Variants in MACROD2 observed in about 807,000 individuals in gnomAD.
MACROD2 encodes ADP-ribose glycohydrolase MACROD2.
A neutral mutation model predicts 70.4 loss-of-function variants in MACROD2; 36 were observed. The ratio of observed to expected loss-of-function variants is 0.51; its 90% CI spans 0.39 to 0.68. The LOEUF (loss-of-function observed/expected upper bound fraction) is 0.68, where lower values mean the gene tolerates loss of function less well. Ranked by LOEUF, MACROD2 falls within the 30% of genes least tolerant of loss-of-function variation. The pLI, the probability that MACROD2 is intolerant of heterozygous loss-of-function variation, is 0.00. For synonymous variants in MACROD2, 172 were observed against 178.8 expected (o/e 0.96, Z 0.30); for missense variants, 496 against 538.4 (o/e 0.92, Z 0.78).
intron 3 of MACROD2, among the ~76,000 whole-genome samples, chr20:14,203,562 T>A (rs1291157467): frequency 1.3e-5 from 2 of 152,222 alleles, no homozygotes; most frequent in Non-Finnish European, 2.9e-5. Context: ...TTTTCTATAA[T>A]CATATCCATA....
At chr20:14,481,133 A>G (rs542140230) in intron 3 of MACROD2, among the ~76,000 whole-genome samples, 1 of 152,178 alleles carries the variant, frequency 6.6e-6, no homozygotes, top group African/African-American at 2.4e-5. Context: ...TGCAATAAGC[A>G]TATAAAATCT....
intron 3 of MACROD2, among the ~76,000 whole-genome samples, chr20:14,115,452 A>G (rs988159891): frequency 1.3e-5 from 2 of 152,210 alleles, no homozygotes; most frequent in African/African-American, 4.8e-5. Flanking sequence ...TGTGAGGATC[A>G]TGTATAAAAA....
chr20:14,556,806 A>G (rs1392503388), intron 4 of MACROD2, among the ~76,000 whole-genome samples: 14 of 152,082 alleles, frequency 9.2e-5, no homozygotes, highest in Admixed American at 9.2e-4. Flanking sequence ...AGAGGAAACA[A>G]AGAGAAAACA....
chr20:15,603,129 C>G (rs1442955931), intron 8 of MACROD2, among the ~76,000 whole-genome samples: 1 of 152,006 alleles, frequency 6.6e-6, no homozygotes, highest in Non-Finnish European at 1.5e-5. Flanking sequence ...TTAATATTAT[C>G]TGTGGAGCTT....
intron 7 of MACROD2, among the ~76,000 whole-genome samples, chr20:15,495,816 T>C (rs1049146724): frequency 6.6e-6 from 1 of 152,206 alleles, no homozygotes; most frequent in African/African-American, 2.4e-5. Context: ...CATGGTATTA[T>C]GAAAACACAA....
intron 6 of MACROD2, among the ~76,000 whole-genome samples, chr20:15,401,400 T>A (rs1480077843): frequency 6.6e-6 from 1 of 152,170 alleles, no homozygotes; most frequent in East Asian, 1.9e-4. Flanking sequence ...TCACGGGGGC[T>A]TTCATAGAAA....
intron 5 of MACROD2, among the ~76,000 whole-genome samples, chr20:14,934,622 A>C (rs1014120420): frequency 3.3e-5 from 5 of 152,088 alleles, no homozygotes; most frequent in African/African-American, 1.2e-4. Context: ...CCTTGTCTCT[A>C]TCAAAAATAC....
intron 5 of MACROD2, among the ~76,000 whole-genome samples, chr20:15,011,349 A>T (rs1453471279): frequency 1.3e-5 from 2 of 152,096 alleles, no homozygotes; most frequent in Non-Finnish European, 2.9e-5. Flanking sequence ...AGAGAGAGAG[A>T]GTGAGAGAAG....
chr20:14,819,927 A>G (rs1461650611), intron 5 of MACROD2, among the ~76,000 whole-genome samples: 2 of 152,038 alleles, frequency 1.3e-5, no homozygotes, highest in African/African-American at 4.8e-5. Flanking sequence ...CCAACCTAAA[A>G]GCCCTGGGAA....
chr20:15,422,646 A>G lies in MACROD2; in HGVS notation c.541-8759A>G, dbSNP rs139222915. On this transcript the variant is annotated intron_variant, in intron 6 of 17. Transcript: ENST00000684519. ...GGTAATTCAAGAAATGACAACAATTATTGCTGCAGTGCTGCTGCCTCCCAT... is the reference window on the plus strand; with the variant it reads ...GGTAATTCAAGAAATGACAACAATTGTTGCTGCAGTGCTGCTGCCTCCCAT... Among the ~76,000 whole-genome samples, 10 of 152,292 alleles carry G rather than the reference A, an allele frequency of 6.6e-5. No homozygotes were observed. The East Asian group carries it at 1.7e-3, about 26-fold the overall frequency.
intron 5 of MACROD2, among the ~76,000 whole-genome samples, chr20:14,862,688 TAAATATATATAAATATATATATA>T: frequency 1.4e-5 from 1 of 72,590 alleles, no homozygotes; most frequent in Non-Finnish European, 2.5e-5. Context: ...AATATATATA[TAAATATATATAAATATATATATA>T]TATATTTTTT....
intron 8 of MACROD2, among the ~76,000 whole-genome samples, chr20:15,789,842 A>G (rs2063608591): frequency 6.6e-6 from 1 of 152,064 alleles, no homozygotes; most frequent in Non-Finnish European, 1.5e-5. Context: ...ACAAAAATGC[A>G]TGTTAACAAT....
At chr20:15,017,601 A>C (rs578045635) in intron 5 of MACROD2, among the ~76,000 whole-genome samples, 1 of 152,316 alleles carries the variant, frequency 6.6e-6, no homozygotes, top group African/African-American at 2.4e-5. Flanking sequence ...TGCCTTCTGC[A>C]CTGCCCTAGC....
At chr20:14,690,188 G>T (rs1176406346) in intron 5 of MACROD2, among the ~76,000 whole-genome samples, 2 of 152,158 alleles carry the variant, frequency 1.3e-5, no homozygotes, top group Non-Finnish European at 2.9e-5. Context: ...AGGCTTCAGG[G>T]CTGAATAGTC....
chr20:14,972,218 T>TA (rs2074698300), intron 5 of MACROD2, among the ~76,000 whole-genome samples: 3 of 152,214 alleles, frequency 2.0e-5, no homozygotes, highest in Non-Finnish European at 2.9e-5. Context: ...TCTATTGGTG[T>TA]AAGTAGTCAC....
intron 10 of MACROD2, among the ~76,000 whole-genome samples, chr20:15,904,782 G>A (rs1264618627): frequency 6.6e-6 from 1 of 151,546 alleles, no homozygotes; most frequent in Admixed American, 6.6e-5. Flanking sequence ...TCGGGAGGCT[G>A]AGGCAGGAGA....
chr20:15,236,206 T>G (rs2077012618), intron 6 of MACROD2, among the ~76,000 whole-genome samples: 1 of 152,232 alleles, frequency 6.6e-6, no homozygotes, highest in South Asian at 2.1e-4. Context: ...TCTTTTCCCC[T>G]ACATTCACGT....
chr20:16,009,725 C>A (rs947472860), intron 15 of MACROD2, among the ~76,000 whole-genome samples: 3 of 152,028 alleles, frequency 2.0e-5, no homozygotes, highest in East Asian at 1.9e-4. Context: ...CCACTGCACT[C>A]CAGCCTGCGC....
At chr20:15,276,178 A>T (rs949390891) in intron 6 of MACROD2, among the ~76,000 whole-genome samples, 7 of 152,132 alleles carry the variant, frequency 4.6e-5, no homozygotes, top group African/African-American at 1.7e-4. Flanking sequence ...AGGCGGGCGG[A>T]TCACAAGGTC....
Sources: allele counts gnomAD v4.1 joint callset (sites outside exome capture counted in the v4.1 genomes callset), GRCh38; gene constraint gnomAD v4.1.1; transcripts MANE v1.5; gene names NCBI Gene and HGNC (gene_info 2026-07-23, HGNC 2026-07-21).